The following ITPK1 variants were observed in gnomAD, a reference collection of about 807,000 sequenced individuals.
ITPK1 encodes inositol-tetrakisphosphate 1-kinase.
ITPK1 carries 21 observed loss-of-function variants against 45.3 expected under a neutral mutation model. The ratio of observed to expected loss-of-function variants is 0.46; its 90% confidence interval spans 0.33 to 0.67. The LOEUF (loss-of-function observed/expected upper bound fraction) is 0.67, where lower values mean the gene tolerates loss of function less well. ITPK1 is among the 30% of genes least tolerant of loss of function. The pLI is 0.02. For synonymous variants in ITPK1, 258 were observed against 253.6 expected, an observed-to-expected ratio of 1.02 and a Z score of -0.16; for missense variants, 474 against 573.5, an observed-to-expected ratio of 0.83 and a Z score of 1.77.
At chr14:92,992,544 C>T (rs765438768) in intron 5 of ITPK1, among the ~76,000 whole-genome samples, 8 of 152,248 alleles carry the variant, frequency 5.3e-5, no homozygotes, top group Non-Finnish European at 8.8e-5. Context: ...GTGTGTCAGG[C>T]ATTCAGGGAA....
intron 4 of ITPK1, among the ~76,000 whole-genome samples, chr14:92,999,920 A>T (rs1887252884): frequency 6.6e-6 from 1 of 152,208 alleles, no homozygotes; most frequent in Non-Finnish European, 1.5e-5. Context: ...CCCAAGTCCC[A>T]GCCTCTGGCA....
intron 3 of ITPK1, among the ~76,000 whole-genome samples, chr14:93,066,909 A>C (rs1890781534): frequency 6.6e-6 from 1 of 152,172 alleles, no homozygotes; most frequent in African/African-American, 2.4e-5. Flanking sequence ...CAGGGCCCTC[A>C]GGTCAAGATG....
At chr14:93,074,019 G>C (rs1891121621) in intron 3 of ITPK1, among the ~76,000 whole-genome samples, 1 of 152,204 alleles carries the variant, frequency 6.6e-6, no homozygotes, top group African/African-American at 2.4e-5. Flanking sequence ...GGGCCCAGCA[G>C]CCTGGAGATC....
chr14:93,002,783 G>A (rs903993955), intron 4 of ITPK1, among the ~76,000 whole-genome samples: 1 of 152,154 alleles, frequency 6.6e-6, no homozygotes, highest in Non-Finnish European at 1.5e-5. Context: ...TTTGGAAAGG[G>A]GAAAGGCAGT....
At chr14:92,972,140 A>G (rs944178960) in intron 5 of ITPK1, among the ~76,000 whole-genome samples, 1 of 152,206 alleles carries the variant, frequency 6.6e-6, no homozygotes, top group African/African-American at 2.4e-5. Flanking sequence ...GACAGCTCCC[A>G]GCAAGGCGTC....
intron 3 of ITPK1, among the ~76,000 whole-genome samples, chr14:93,040,565 C>T (rs1273249759): frequency 2.6e-5 from 4 of 152,208 alleles, no homozygotes; most frequent in African/African-American, 7.2e-5. Flanking sequence ...CTTGGAGTTC[C>T]CCCAAATGCT....
intron 2 of ITPK1, among the ~76,000 whole-genome samples, chr14:93,101,472 T>C (rs35119010): frequency 0.17 from 26,566 of 152,158 alleles, 2,452 homozygotes; most frequent in South Asian, 0.28. Context: ...CCCCCTCCTA[T>C]GCATGAGCAC....
intron 5 of ITPK1, among the ~76,000 whole-genome samples, chr14:92,971,329 T>C (rs528638981): frequency 2.0e-5 from 3 of 152,334 alleles, no homozygotes; most frequent in African/African-American, 7.2e-5. Context: ...TATGCCTCAG[T>C]TTCCTTGCTG....
chr14:93,115,207 A>G lies in ITPK1; in HGVS notation c.-44T>C. On this transcript the variant is annotated 5_prime_UTR_variant, in exon 2 of 11. Transcript: ENST00000267615. ...AGCCTGGGTCCGGAGGAAATCGCCCACAGGCCGAGTCTGGCGGCCGGCGCG... is the reference window on the plus strand; with the variant it reads ...AGCCTGGGTCCGGAGGAAATCGCCCGCAGGCCGAGTCTGGCGGCCGGCGCG... The G allele has an allele frequency of 7.0e-7, 1 of 1,418,952 alleles. No homozygotes were observed. Among genetic ancestry groups the G allele is most frequent in the South Asian group, 1.2e-5 (1 of 84,426 alleles). The allele number at this position is 1,418,952 out of a possible 1,614,324, so 87.9% of individuals were successfully genotyped here. A position where few individuals can be genotyped will look rare whatever the true frequency, so the allele number is the denominator to read the frequency against.
chr14:93,040,798 C>G (rs1215855410), intron 3 of ITPK1, among the ~76,000 whole-genome samples: 2 of 152,152 alleles, frequency 1.3e-5, no homozygotes, highest in Admixed American at 6.5e-5. Context: ...CCGTATGCAG[C>G]TGTAGGAAAC....
chr14:92,946,681 C>T (rs748819627), intron 9 of ITPK1, among the ~76,000 whole-genome samples, 188 bp from the exon 10 acceptor site: 43 of 152,330 alleles, frequency 2.8e-4, no homozygotes, highest in Non-Finnish European at 4.7e-4. Context: ...CCGCCAGGCA[C>T]GAGGTGTGTG....
intron 2 of ITPK1, among the ~76,000 whole-genome samples, chr14:93,088,335 T>TTTTTG (rs374678832): frequency 7.6e-6 from 1 of 131,464 alleles, no homozygotes; most frequent in African/African-American, 3.6e-5. Context: ...TTTTTGGTTT[T>TTTTTG]GTTTTGTTTT....
intron 9 of ITPK1, among the ~76,000 whole-genome samples, chr14:92,949,438 T>G (rs963483790): frequency 1.3e-5 from 2 of 152,190 alleles, no homozygotes; most frequent in South Asian, 4.1e-4. Context: ...CTCTTGCCAG[T>G]GGGGGCCAGA....
At chr14:93,108,840 C>T (rs968683650) in intron 2 of ITPK1, among the ~76,000 whole-genome samples, 3 of 152,188 alleles carry the variant, frequency 2.0e-5, no homozygotes, top group Non-Finnish European at 4.4e-5. Flanking sequence ...TGGCGAAACC[C>T]AGTCTCTACT....
chr14:93,011,603 T>C (rs532060061), intron 4 of ITPK1, among the ~76,000 whole-genome samples: 1 of 152,308 alleles, frequency 6.6e-6, no homozygotes, highest in African/African-American at 2.4e-5. Flanking sequence ...CTTTGTCCTG[T>C]GTAGGCTGGG....
At position 92,958,949 on chromosome 14, in the gene ITPK1, G is replaced by A. The variant is rs755031602; in HGVS notation, c.505-583C>T. Among the ~76,000 whole-genome samples, 1 of 152,196 alleles carries A rather than the reference G, an allele frequency of 6.6e-6. No homozygotes were observed. Among genetic ancestry groups the A allele is most frequent in the Non-Finnish European group, 1.5e-5 (1 of 68,034 alleles). ...CTTTCACAGATGAGGACGATGAGGC[G>A]CTGAGAGGTTCAGTGACTGCTGGAC... On this transcript the variant is annotated intron_variant, in intron 7 of 10. Coordinates refer to ENST00000267615, the MANE Select transcript of ITPK1 (RefSeq NM_014216.6). This position sits in a 1 kb window ranked among gnomAD's most constrained non-coding sequence, Gnocchi z 4.4.
chr14:92,986,726 C>T (rs1278096104), intron 5 of ITPK1, among the ~76,000 whole-genome samples: 1 of 152,142 alleles, frequency 6.6e-6, no homozygotes, highest in Non-Finnish European at 1.5e-5. Context: ...GGGTCCCTGC[C>T]ATGGTCTTAA....
chr14:93,110,982 TCCATCCCAACGAGGGATGTCC>T, intron 2 of ITPK1, among the ~76,000 whole-genome samples: 1 of 152,082 alleles, frequency 6.6e-6, no homozygotes, highest in African/African-American at 2.4e-5. Context: ...TCCTCATCCC[TCCATCCCAACGAGGGATGTCC>T]TCATCCCTCA....
At chr14:92,951,860 G>T in intron 9 of ITPK1, 86 bp downstream of exon 9, 2 of 1,097,104 alleles carry the variant, frequency 1.8e-6, no homozygotes, top group Non-Finnish European at 2.7e-6. Flanking sequence ...GGAGAGCTTG[G>T]CCAAGGACCC....
Sources: gnomAD v4.1 joint callset for allele counts (sites outside exome capture counted in the v4.1 genomes callset) on GRCh38, gnomAD v4.1.1 for gene constraint, Gnocchi (gnomAD v3.1) non-coding constraint, MANE v1.5 for transcripts, NCBI Gene and HGNC (gene_info 2026-07-23, HGNC 2026-07-21) for gene names.